CTNNA2: variants seen among roughly 807,000 people sequenced by gnomAD.
CTNNA2 encodes catenin alpha-2.
Under a neutral mutation model 101.0 loss-of-function variants are expected in CTNNA2, and 42 were observed. The observed-to-expected ratio is 0.42, with a 90% CI of 0.32 to 0.54. The LOEUF (loss-of-function observed/expected upper bound fraction) is 0.54. Among genes scored for constraint, CTNNA2 ranks in the 20% least tolerant of loss-of-function variants. The probability of loss-of-function intolerance (pLI) is 0.14; values close to 1 mark genes in which losing one functional copy is unlikely to be tolerated. For synonymous variants in CTNNA2, 450 were observed against 456.4 expected, an observed-to-expected ratio of 0.99 and a Z score of 0.18; for missense variants, 871 against 1,223.1, an observed-to-expected ratio of 0.71 and a Z score of 4.29.
chr2:80,644,304 C>CTAGT (rs1326487359), intron 18 of CTNNA2, among the ~76,000 whole-genome samples: 1 of 152,156 alleles, frequency 6.6e-6, no homozygotes, highest in Non-Finnish European at 1.5e-5. Flanking sequence ...TGTCAGGCGT[C>CTAGT]TAGTAAGTGC....
At chr2:79,598,294 A>G (rs780944715) in intron 1 of CTNNA2, among the ~76,000 whole-genome samples, 5 of 152,246 alleles carry the variant, frequency 3.3e-5, no homozygotes, top group Non-Finnish European at 5.9e-5. Flanking sequence ...TTTTGTGTGG[A>G]CACATGATTT....
At chr2:79,618,205 A>T (rs1678762719) in intron 1 of CTNNA2, among the ~76,000 whole-genome samples, 1 of 152,228 alleles carries the variant, frequency 6.6e-6, no homozygotes, top group South Asian at 2.1e-4. Flanking sequence ...AAAGTCTGCC[A>T]TGTCCTTATT....
chr2:79,560,667 A>T (rs963845277), intron 1 of CTNNA2, among the ~76,000 whole-genome samples: 2 of 151,958 alleles, frequency 1.3e-5, no homozygotes, highest in African/African-American at 4.8e-5. Flanking sequence ...AGATTTCTTA[A>T]GCCTCTAAAT....
At chr2:79,358,079 G>A (rs1313467800) in intron 3 of CTNNA2, among the ~76,000 whole-genome samples, 1 of 151,894 alleles carries the variant, frequency 6.6e-6, no homozygotes, top group East Asian at 1.9e-4. Context: ...TTTTTTTGGT[G>A]AAGATAAAGT....
chr2:79,351,720 A>G (rs1677392559), intron 3 of CTNNA2, among the ~76,000 whole-genome samples: 1 of 152,136 alleles, frequency 6.6e-6, no homozygotes, highest in South Asian at 2.1e-4. Context: ...TTCACTTATG[A>G]TAATGTTTCC....
intron 18 of CTNNA2, among the ~76,000 whole-genome samples, chr2:80,639,244 C>T (rs1418343744): frequency 6.6e-6 from 1 of 152,168 alleles, no homozygotes; most frequent in African/African-American, 2.4e-5. Flanking sequence ...CAGTCTGTTT[C>T]TGTCACCCAG....
At chr2:80,630,893 G>A (rs1458493144) in intron 18 of CTNNA2, among the ~76,000 whole-genome samples, 1 of 152,124 alleles carries the variant, frequency 6.6e-6, no homozygotes, top group East Asian at 1.9e-4. Flanking sequence ...CAAGTTGTAG[G>A]TAGAAGCTGA....
chr2:80,037,762 CTTTA>C (rs1695764741), intron 7 of CTNNA2, among the ~76,000 whole-genome samples: 1 of 152,082 alleles, frequency 6.6e-6, no homozygotes, highest in South Asian at 2.1e-4. Flanking sequence ...TTATTCTCTT[CTTTA>C]TTGTCATTCA....
intron 8 of CTNNA2, among the ~76,000 whole-genome samples, chr2:80,405,086 T>C (rs1215134018): frequency 1.3e-5 from 2 of 152,202 alleles, no homozygotes; most frequent in African/African-American, 4.8e-5. Context: ...TCTCTGGTCA[T>C]TGAGACAACT....
intron 3 of CTNNA2, among the ~76,000 whole-genome samples, chr2:79,324,989 C>G (rs1447909362): frequency 6.6e-6 from 1 of 152,128 alleles, no homozygotes; most frequent in Non-Finnish European, 1.5e-5. Context: ...CATAAATCCA[C>G]CACCCTTCAA....
At chr2:80,310,736 C>A (rs910197371) in intron 7 of CTNNA2, among the ~76,000 whole-genome samples, 2 of 152,080 alleles carry the variant, frequency 1.3e-5, no homozygotes, top group African/African-American at 4.8e-5. Flanking sequence ...CTTTGGGAGG[C>A]CGAGGCGGGT....
chr2:79,674,469 T>G (rs1683054915), intron 2 of CTNNA2, among the ~76,000 whole-genome samples: 1 of 152,154 alleles, frequency 6.6e-6, no homozygotes, highest in South Asian at 2.1e-4. Flanking sequence ...TTTCAAATAA[T>G]TCACAGGATA....
intron 7 of CTNNA2, among the ~76,000 whole-genome samples, chr2:80,278,885 T>A (rs1197829751): frequency 6.6e-6 from 1 of 152,026 alleles, no homozygotes; most frequent in Non-Finnish European, 1.5e-5. Flanking sequence ...GGAGGATCAC[T>A]TGAACCCAGG....
At chr2:79,741,242 G>A (rs1178478257) in intron 2 of CTNNA2, among the ~76,000 whole-genome samples, 1 of 152,164 alleles carries the variant, frequency 6.6e-6, no homozygotes, top group African/African-American at 2.4e-5. Flanking sequence ...ATATTGGCCA[G>A]AAGTGGGCAG....
intron 1 of CTNNA2, among the ~76,000 whole-genome samples, chr2:79,627,261 C>T (rs1184079830): frequency 1.3e-5 from 2 of 152,222 alleles, no homozygotes; most frequent in Admixed American, 1.3e-4. Context: ...GCCTATGCTT[C>T]TTCAGTTATT....
rs1345680696 is a variant in CTNNA2, at chr2:80,648,494, T to C, written c.*622T>C. On this transcript the variant is annotated 3_prime_UTR_variant, in exon 19 of 19. Transcript: ENST00000402739. ...GTGCCATTACTAGTGATCATGTTTT[T>C]TTCCCCCCTTTAATGAAAACAATAA... 1 of 152,578 alleles carries C rather than the reference T, an allele frequency of 6.6e-6. No individual in the cohort carries two copies. The highest frequency in any genetic ancestry group is 2.4e-5 in the African/African-American group (1 of 41,416). 9.5% of individuals were successfully genotyped at this position (152,578 alleles called of 1,614,324 possible).
chr2:80,169,280 C>T (rs779186631), intron 7 of CTNNA2, among the ~76,000 whole-genome samples: 5 of 152,030 alleles, frequency 3.3e-5, no homozygotes, highest in South Asian at 2.1e-4. Context: ...GTCATGAGCA[C>T]GAAATTCCTC....
chr2:80,462,627 C>CTTTCTTTT (rs1472330091), intron 9 of CTNNA2, among the ~76,000 whole-genome samples: 1 of 114,376 alleles, frequency 8.7e-6, no homozygotes, highest in Non-Finnish European at 1.7e-5. Flanking sequence ...TTCTTTCTTT[C>CTTTCTTTT]TTTCTTTTTT....
chr2:80,498,684 C>T (rs1687650884), intron 9 of CTNNA2, among the ~76,000 whole-genome samples: 1 of 152,224 alleles, frequency 6.6e-6, no homozygotes, highest in Non-Finnish European at 1.5e-5. Flanking sequence ...GCATTCCTGC[C>T]AGCATTTCAG....
Sources: gnomAD v4.1 joint callset for allele counts (sites outside exome capture counted in the v4.1 genomes callset) on GRCh38, gnomAD v4.1.1 for gene constraint, MANE v1.5 for transcripts, NCBI Gene and HGNC (gene_info 2026-07-23, HGNC 2026-07-21) for gene names.